The following PLXDC2 variants were observed in gnomAD, a reference collection of about 807,000 sequenced individuals.
The protein encoded by PLXDC2 is plexin domain containing 2.
In PLXDC2, 40 loss-of-function variants were observed where a neutral mutation model predicts 68.9. The observed-to-expected ratio is 0.58, with a 90% CI of 0.45 to 0.76. The LOEUF (loss-of-function observed/expected upper bound fraction) is 0.76. PLXDC2 is among the 30% of genes least tolerant of loss of function. The pLI is 0.00. For missense variants in PLXDC2, 644 were observed against 661.9 expected (o/e 0.97, Z 0.30); for synonymous variants, 243 against 234.2 (o/e 1.04, Z -0.34).
intron 4 of PLXDC2, among the ~76,000 whole-genome samples, chr10:20,074,847 G>A (rs1836410817): frequency 7.1e-6 from 1 of 139,896 alleles, no homozygotes; most frequent in African/African-American, 3.0e-5. Flanking sequence ...TAGGGAGAAG[G>A]TGAATGGAGT....
At chr10:19,861,201 A>G (rs1481077619) in intron 1 of PLXDC2, among the ~76,000 whole-genome samples, 1 of 151,420 alleles carries the variant, frequency 6.6e-6, no homozygotes, top group Non-Finnish European at 1.5e-5. Flanking sequence ...CGCCTGGCTA[A>G]TTTTTGTATT....
intron 3 of PLXDC2, among the ~76,000 whole-genome samples, chr10:20,056,668 C>G (rs1466792643): frequency 2.0e-5 from 3 of 152,146 alleles, no homozygotes; most frequent in Non-Finnish European, 2.9e-5. Flanking sequence ...CAAACCTTAG[C>G]TTCCCAAAGC....
In PLXDC2 at chr10:20,043,800, A is replaced by G. The variant is rs541094306; in HGVS notation, c.325-3069A>G. Among the ~76,000 whole-genome samples, 46 of 152,216 alleles carry G rather than the reference A, an allele frequency of 3.0e-4. 1 individual carries two copies. The South Asian group carries it at 9.3e-3, about 31-fold the overall frequency. Reference sequence around the variant, plus strand: ...ATACCATTCCCTGAAAAATTAAATGAATTATTATTTTACATAATTTAATTT... The same window carrying G: ...ATACCATTCCCTGAAAAATTAAATGGATTATTATTTTACATAATTTAATTT... On this transcript the variant is annotated intron_variant, in intron 2 of 13. Transcript: ENST00000377252.
intron 1 of PLXDC2, among the ~76,000 whole-genome samples, chr10:19,968,089 A>G (rs911531108): frequency 6.6e-6 from 1 of 152,240 alleles, no homozygotes; most frequent in Non-Finnish European, 1.5e-5. Flanking sequence ...GCATTGGACA[A>G]TAGAACAATC....
intron 1 of PLXDC2, among the ~76,000 whole-genome samples, chr10:19,897,086 T>G (rs1458838534): frequency 2.0e-5 from 3 of 152,166 alleles, no homozygotes; most frequent in Admixed American, 2.0e-4. Context: ...CCTCAGGAGT[T>G]TTACACTCTT....
At chr10:20,221,741 A>G (rs1312789238) in intron 12 of PLXDC2, among the ~76,000 whole-genome samples, 1 of 152,218 alleles carries the variant, frequency 6.6e-6, no homozygotes, top group Admixed American at 6.5e-5. Context: ...TTTCACTCCA[A>G]TTTAATAAAC....
At position 19,920,139 on chromosome 10, in the gene PLXDC2, A is replaced by G. The variant is rs932997488; in HGVS notation, c.113-81636A>G. Among the ~76,000 whole-genome samples, 7 of 152,178 alleles carry G rather than the reference A, an allele frequency of 4.6e-5. No homozygotes were observed. The South Asian group carries it at 6.2e-4, about 14-fold the overall frequency. ...CTGCTAATTCCCAACCGTGAGGCCA[A>G]GCTCCTGTGGCTGTCATGGTTGCGT... is the stretch of plus-strand genomic sequence containing the variant. On this transcript the variant is annotated intron_variant, in intron 1 of 13. Transcript: ENST00000377252.
At chr10:19,841,537 G>GT (rs34818991) in intron 1 of PLXDC2, among the ~76,000 whole-genome samples, 11,180 of 127,080 alleles carry the variant, frequency 0.088, 1,013 homozygotes, top group African/African-American at 0.24. Flanking sequence ...GTGTTTCAGG[G>GT]TTTTTTTTTT....
At chr10:19,933,160 A>G (rs1373372202) in intron 1 of PLXDC2, among the ~76,000 whole-genome samples, 1 of 152,134 alleles carries the variant, frequency 6.6e-6, no homozygotes, top group Non-Finnish European at 1.5e-5. Flanking sequence ...ACTCCTGTCA[A>G]GCAAAGGTTC....
At chr10:20,149,631 C>G (rs1834126371) in intron 6 of PLXDC2, among the ~76,000 whole-genome samples, 1 of 152,102 alleles carries the variant, frequency 6.6e-6, no homozygotes, top group African/African-American at 2.4e-5. Flanking sequence ...CCCATGCATT[C>G]TCATCATTTA....
At chr10:20,056,834 G>C (rs1259952495) in intron 3 of PLXDC2, among the ~76,000 whole-genome samples, 1 of 151,894 alleles carries the variant, frequency 6.6e-6, no homozygotes, top group Non-Finnish European at 1.5e-5. Context: ...CTCTATTACC[G>C]GTGAAGGCTA....
At chr10:20,004,789 T>C (rs564182256) in intron 2 of PLXDC2, among the ~76,000 whole-genome samples, 12 of 152,184 alleles carry the variant, frequency 7.9e-5, no homozygotes, top group Non-Finnish European at 1.8e-4. Flanking sequence ...CGGTGGTTAC[T>C]GTAGCTGTAA....
chr10:19,985,068 G>A (rs544805740), intron 1 of PLXDC2, among the ~76,000 whole-genome samples: 3 of 152,200 alleles, frequency 2.0e-5, no homozygotes, highest in African/African-American at 4.8e-5. Context: ...CTACAGCTGC[G>A]AAGGCTTATT....
chr10:20,250,582 G>A (rs1291968439), intron 13 of PLXDC2, among the ~76,000 whole-genome samples: 2 of 152,204 alleles, frequency 1.3e-5, no homozygotes, highest in East Asian at 3.8e-4. Flanking sequence ...TTGGTCAGTA[G>A]TGGAGTCAGG....
intron 1 of PLXDC2, among the ~76,000 whole-genome samples, chr10:19,957,780 C>G (rs1461172817): frequency 6.6e-6 from 1 of 152,094 alleles, no homozygotes; most frequent in South Asian, 2.1e-4. Flanking sequence ...ATACATGTTG[C>G]TAAACTGTCT....
intron 12 of PLXDC2, among the ~76,000 whole-genome samples, chr10:20,230,266 T>A (rs1489030333): frequency 6.6e-6 from 1 of 152,116 alleles, no homozygotes; most frequent in African/African-American, 2.4e-5. Flanking sequence ...GAAAAATATG[T>A]ACACTGCAAA....
At chr10:20,188,505 G>C (rs1834716190) in intron 9 of PLXDC2, among the ~76,000 whole-genome samples, 1 of 151,596 alleles carries the variant, frequency 6.6e-6, no homozygotes, top group Non-Finnish European at 1.5e-5. Context: ...CCAGGGATTT[G>C]GCTTTTTAAT....
intron 4 of PLXDC2, among the ~76,000 whole-genome samples, chr10:20,080,336 A>T (rs548547005): frequency 1.3e-5 from 2 of 150,332 alleles, no homozygotes; most frequent in East Asian, 2.0e-4. Context: ...GACTCACATG[A>T]TCAAAAGGCG....
At chr10:20,039,614 T>C (rs1427266803) in intron 2 of PLXDC2, among the ~76,000 whole-genome samples, 1 of 152,210 alleles carries the variant, frequency 6.6e-6, no homozygotes, top group Non-Finnish European at 1.5e-5. Context: ...TATGGCCTTG[T>C]GTCTCTTGAT....
Sources: allele counts gnomAD v4.1 joint callset (sites outside exome capture counted in the v4.1 genomes callset), GRCh38; gene constraint gnomAD v4.1.1; transcripts MANE v1.5; gene names NCBI Gene and HGNC (gene_info 2026-07-23, HGNC 2026-07-21).